Variants in NLRP5 observed in about 807,000 individuals in gnomAD.
NLRP5 encodes the protein NACHT, LRR and PYD domains-containing protein 5.
Under a neutral mutation model 113.1 loss-of-function variants are expected in NLRP5, and 93 were observed. The ratio of observed to expected loss-of-function variants is 0.82; its 90% confidence interval spans 0.70 to 0.98. NLRP5 has a LOEUF of 0.98. NLRP5 is among the 50% of genes least tolerant of loss of function. NLRP5 has a pLI of 0.00. For synonymous variants in NLRP5, 751 were observed against 600.7 expected, an observed-to-expected ratio of 1.25 and a Z score of -3.66; for missense variants, 1,808 against 1,514.3, an observed-to-expected ratio of 1.19 and a Z score of -3.22.
chr19:55,990,560 C>T, the NLRP5 span, among the ~76,000 whole-genome samples: 9 of 151,930 alleles, frequency 5.9e-5, no homozygotes, highest in African/African-American at 2.2e-4. Context: ...GGCACGGTGG[C>T]TCATGCCTGT....
rs139653516 is a variant in NLRP5 at position 56,046,399 on chromosome 19, C to CGTGTGTGTGT, written c.2958-4004_2958-3995dup. On this transcript the variant is annotated intron_variant, in intron 11 of 14. Transcript: ENST00000390649. ...CATCAAGGATATTGCTTTGTAGTTT[C>CGTGTGTGTGT]GTGTGTGTGTGTGTGTGTGTGTGTT... Among the ~76,000 whole-genome samples, 319 of 148,162 alleles carry CGTGTGTGTGT rather than the reference C, an allele frequency of 2.2e-3. 1 individual carries two copies. The highest frequency in any genetic ancestry group is 5.0e-3 in the African/African-American group (204 of 40,414).
chr19:56,027,886 C>T lies in NLRP5; in HGVS notation c.1653C>T (p.Leu551=), dbSNP rs773298369. 10 of 1,613,818 alleles carry T rather than the reference C, an allele frequency of 6.2e-6. No homozygotes were observed. The Admixed American group carries it at 1.7e-4, about 27-fold the overall frequency. ...AGTCAGTGTTTGACGGTGACGACCT[C>T]ATGGTTCAAGGACTCGGGGAGTCTG... is the stretch of plus-strand genomic sequence containing the variant. The change falls in exon 7 of 15, where the codon CTC becomes CTT. Residue 551 remains leucine, a synonymous_variant. Transcript: ENST00000390649.
chr19:56,041,127 A>G (rs751543718), intron 11 of NLRP5, 35 bp downstream of exon 11: 53 of 1,605,278 alleles, frequency 3.3e-5, no homozygotes, highest in Non-Finnish European at 4.3e-5. Context: ...AGGACTTCCT[A>G]GCTTTCTAAC....
intron 11 of NLRP5, among the ~76,000 whole-genome samples, chr19:56,045,660 GTTTT>G (rs1305320492): frequency 6.6e-6 from 1 of 152,018 alleles, no homozygotes; most frequent in Non-Finnish European, 1.5e-5. Flanking sequence ...GTGGTGTTTG[GTTTT>G]TTGTCCTTGG....
intron 2 of NLRP5, among the ~76,000 whole-genome samples, chr19:56,006,109 G>C (rs898765395): frequency 6.6e-6 from 1 of 152,176 alleles, no homozygotes; most frequent in African/African-American, 2.4e-5. Flanking sequence ...AAAAGGATGA[G>C]TTCATGTCCT....
At chr19:55,992,855 C>A in the NLRP5 span, among the ~76,000 whole-genome samples, 314 of 150,082 alleles carry the variant, frequency 2.1e-3, 1 homozygote, top group African/African-American at 6.9e-3. Context: ...TTTATGGAGA[C>A]TTTTTTTTTT....
chr19:56,040,742 G>GGC (rs1325880455), intron 10 of NLRP5, among the ~76,000 whole-genome samples, 180 bp from the exon 11 acceptor site: 1 of 152,094 alleles, frequency 6.6e-6, no homozygotes, highest in Non-Finnish European at 1.5e-5. Flanking sequence ...ATTCTTTTGG[G>GGC]GCTGATGCAC....
intron 3 of NLRP5, among the ~76,000 whole-genome samples, chr19:56,012,381 C>T (rs950473821): frequency 2.0e-5 from 3 of 151,070 alleles, no homozygotes; most frequent in Middle Eastern, 3.6e-3. Flanking sequence ...AACTCCTGAC[C>T]TCGTGATCCA....
intron 7 of NLRP5, among the ~76,000 whole-genome samples, chr19:56,028,968 T>A (rs1006636981): frequency 1.3e-5 from 2 of 152,124 alleles, no homozygotes; most frequent in Non-Finnish European, 2.9e-5. Flanking sequence ...TTTCGCCACG[T>A]TGGCCAGGCT....
chr19:55,991,939 G>A, the NLRP5 span, among the ~76,000 whole-genome samples: 2 of 71,636 alleles, frequency 2.8e-5, no homozygotes, highest in African/African-American at 1.4e-4. Flanking sequence ...TGTCATGGGG[G>A]TTTGTTATAC....
intron 13 of NLRP5, among the ~76,000 whole-genome samples, chr19:56,055,826 T>C (rs1412732303): frequency 3.3e-5 from 5 of 152,124 alleles, no homozygotes; most frequent in Non-Finnish European, 7.3e-5. Flanking sequence ...ATTACAGGCA[T>C]AAGCCACCGC....
chr19:56,044,865 G>A (rs1983664987), intron 11 of NLRP5, among the ~76,000 whole-genome samples: 1 of 152,152 alleles, frequency 6.6e-6, no homozygotes, highest in Admixed American at 6.5e-5. Flanking sequence ...ATTTGTTCGT[G>A]TCGTCTGTGA....
intron 13 of NLRP5, among the ~76,000 whole-genome samples, 153 bp downstream of exon 13, chr19:56,053,961 A>G (rs1357949870): frequency 1.3e-5 from 2 of 152,268 alleles, no homozygotes; most frequent in Middle Eastern, 3.4e-3. Flanking sequence ...AGATCTGGGT[A>G]TAAGTTCCAG....
In NLRP5 at chr19:56,050,289, G is replaced by GAA. The variant is rs565376878; in HGVS notation, c.2958-121_2958-120dup. 5.1e-3 allele frequency: 3,367 copies of GAA among 660,276 alleles called. 1 individual carries two copies. Among genetic ancestry groups the GAA allele is most frequent in the Non-Finnish European group, 5.6e-3 (2,414 of 430,966 alleles). The allele number at this position is 660,276 out of a possible 1,614,324, so 40.9% of individuals were successfully genotyped here. A position where few individuals can be genotyped will look rare whatever the true frequency, so the allele number is the denominator to read the frequency against. Reference sequence around the variant, plus strand: ...AGCAAGACTCCTCAAAAAAAAAAAAGAAAAAAAAACAAATATGACCCCACC... The same window carrying GAA: ...AGCAAGACTCCTCAAAAAAAAAAAAGAAAAAAAAAAACAAATATGACCCCACC... On this transcript the variant is annotated intron_variant, in intron 11 of 14. Coordinates refer to ENST00000390649, the MANE Select transcript of NLRP5 (RefSeq NM_153447.4).
chr19:56,034,565 C>A (rs1299957760), intron 9 of NLRP5, among the ~76,000 whole-genome samples: 1 of 152,186 alleles, frequency 6.6e-6, no homozygotes, highest in African/African-American at 2.4e-5. Context: ...GGGTCACACA[C>A]CCCTCCCTAA....
chr19:56,030,911 A>G (rs1199676633), intron 7 of NLRP5, among the ~76,000 whole-genome samples: 4 of 151,344 alleles, frequency 2.6e-5, no homozygotes, highest in East Asian at 2.0e-4. Flanking sequence ...ATGGGGTTTC[A>G]CCATATTGGC....
At chr19:55,996,003 C>T (rs1423083577), upstream of NLRP5, among the ~76,000 whole-genome samples, 3 of 150,370 alleles carry the variant, frequency 2.0e-5, no homozygotes, top group South Asian at 4.2e-4. Context: ...GTTGATTCTG[C>T]AACTTTACTG....
rs747142156 is a variant in NLRP5 at position 56,004,072 on chromosome 19, A to G, written c.419A>G (p.Glu140Gly). ...AACATGAACCTGCGAACCCTCTCGG[A>G]GAAGGCACGGGATGACATGAAAAGT... The change falls in exon 2 of 15, where the codon GAG (glutamate) becomes GGG (glycine). Residue 140 changes from glutamate to glycine, a missense_variant. Physicochemically the swap from Glu to Gly is moderately conservative, Grantham distance 98. Transcript: ENST00000390649. 6.7e-5 allele frequency: 108 copies of G among 1,610,838 alleles called. 2 individuals carry two copies. The Admixed American group carries it at 1.8e-3, about 26-fold the overall frequency.
Position 56,036,058 on chromosome 19 carries a change from C to CTTTTTTTTTTTTTTTTTTTTTT in NLRP5, c.2616-1966_2616-1945dup, listed in dbSNP as rs34956178. ...ACATGCTGATGAATGAATTGAGATT[C>CTTTTTTTTTTTTTTTTTTTTTT]TTTTTTTTTTTTTTTTTTTTTTGGA... On this transcript the variant is annotated intron_variant, in intron 9 of 14. Transcript: ENST00000390649. 2.9e-4 allele frequency among the ~76,000 whole-genome samples: 22 copies of CTTTTTTTTTTTTTTTTTTTTTT among 76,998 alleles called. 2 individuals carry two copies. Among genetic ancestry groups the CTTTTTTTTTTTTTTTTTTTTTT allele is most frequent in the African/African-American group, 1.2e-3 (21 of 17,610 alleles). The allele number at this position is 76,998 out of a possible 152,430, so 50.5% of individuals were successfully genotyped here. A position where few individuals can be genotyped will look rare whatever the true frequency, so the allele number is the denominator to read the frequency against.
Sources: gnomAD v4.1 joint callset for allele counts (sites outside exome capture counted in the v4.1 genomes callset) on GRCh38, gnomAD v4.1.1 for gene constraint, MANE v1.5 for transcripts, NCBI Gene and HGNC (gene_info 2026-07-23, HGNC 2026-07-21) for gene names.